The following FOXP1 variants were observed in gnomAD, a reference collection of about 807,000 sequenced individuals.
FOXP1 encodes forkhead box protein P1.
A neutral mutation model predicts 98.2 loss-of-function variants in FOXP1; 15 were observed. The ratio of observed to expected loss-of-function variants is 0.15; its 90% CI spans 0.10 to 0.24. FOXP1 has a LOEUF of 0.24. FOXP1 is among the 10% of genes least tolerant of loss of function. The probability of loss-of-function intolerance (pLI) is 1.00; values close to 1 mark genes in which losing one functional copy is unlikely to be tolerated. For missense variants in FOXP1, 633 were observed against 848.5 expected, an observed-to-expected ratio of 0.75 and a Z score of 3.15; for synonymous variants, 371 against 314.5, an observed-to-expected ratio of 1.18 and a Z score of -1.90.
intron 5 of FOXP1, among the ~76,000 whole-genome samples, chr3:71,225,013 G>T (rs2065724640): frequency 6.6e-6 from 1 of 152,138 alleles, no homozygotes. Flanking sequence ...TACAATACCT[G>T]CAATAAAACA....
At chr3:71,375,999 A>C (rs2079685951) in intron 3 of FOXP1, among the ~76,000 whole-genome samples, 1 of 152,174 alleles carries the variant, frequency 6.6e-6, no homozygotes, top group South Asian at 2.1e-4. Flanking sequence ...CGTGGACTGC[A>C]AACTAAAATT....
intron 4 of FOXP1, among the ~76,000 whole-genome samples, chr3:71,321,470 C>T (rs542319149): frequency 6.6e-6 from 1 of 152,210 alleles, no homozygotes; most frequent in East Asian, 1.9e-4. Context: ...CGTGAGATGG[C>T]CACATGGGCT....
chr3:71,365,956 G>A (rs745618932), intron 3 of FOXP1, among the ~76,000 whole-genome samples: 2 of 152,052 alleles, frequency 1.3e-5, no homozygotes, highest in African/African-American at 2.4e-5. Flanking sequence ...CTGGCGACAG[G>A]GCAAGACTCC....
intron 6 of FOXP1, among the ~76,000 whole-genome samples, chr3:71,170,526 C>T (rs2061599432): frequency 6.6e-6 from 1 of 152,148 alleles, no homozygotes; most frequent in African/African-American, 2.4e-5. Context: ...ATTAAAAATA[C>T]CCACTGGTAT....
intron 6 of FOXP1, among the ~76,000 whole-genome samples, chr3:71,116,440 T>G (rs2058380511): frequency 6.6e-6 from 1 of 152,160 alleles, no homozygotes; most frequent in Non-Finnish European, 1.5e-5. Context: ...GCAAACTGAC[T>G]TCCAAATTTC....
chr3:71,181,070 A>C (rs2062261446), intron 6 of FOXP1, among the ~76,000 whole-genome samples: 1 of 152,220 alleles, frequency 6.6e-6, no homozygotes. Flanking sequence ...AAGAATTCGT[A>C]CTGAGTTCCA....
intron 3 of FOXP1, among the ~76,000 whole-genome samples, chr3:71,477,379 C>T (rs1401101418): frequency 6.6e-6 from 1 of 152,166 alleles, no homozygotes; most frequent in South Asian, 2.1e-4. Flanking sequence ...TAATCAAATG[C>T]AATTGAAGCA....
At chr3:71,428,990 T>C (rs977438697) in intron 3 of FOXP1, among the ~76,000 whole-genome samples, 4 of 152,216 alleles carry the variant, frequency 2.6e-5, no homozygotes, top group African/African-American at 9.7e-5. Flanking sequence ...TGAAACTCCC[T>C]GGACTAGTGC....
intron 5 of FOXP1, chr3:71,210,955 T>C (rs1259167769): frequency 6.6e-6 from 1 of 152,190 alleles, no homozygotes; most frequent in African/African-American, 2.4e-5. Context: ...ATTATAAACA[T>C]AGTTGACAAT....
At chr3:71,007,160 T>C (rs1205755273) in intron 12 of FOXP1, among the ~76,000 whole-genome samples, 1 of 152,008 alleles carries the variant, frequency 6.6e-6, no homozygotes, top group Non-Finnish European at 1.5e-5. Flanking sequence ...CTAAAACCAA[T>C]AAAAAATGCA....
chr3:71,199,014 G>A (rs1355874133), intron 5 of FOXP1, among the ~76,000 whole-genome samples: 1 of 151,632 alleles, frequency 6.6e-6, no homozygotes, highest in African/African-American at 2.4e-5. Flanking sequence ...CTTCTATCTG[G>A]TTCCTTTGCT....
At chr3:71,453,449 A>G (rs890298402) in intron 3 of FOXP1, among the ~76,000 whole-genome samples, 4 of 152,208 alleles carry the variant, frequency 2.6e-5, no homozygotes, top group Non-Finnish European at 5.9e-5. Context: ...CTAACAGCCA[A>G]AGCAGATTTG....
At chr3:71,413,249 CCCCCAAATAG>C (rs1488394032) in intron 3 of FOXP1, among the ~76,000 whole-genome samples, 4 of 35,958 alleles carry the variant, frequency 1.1e-4, no homozygotes, top group Non-Finnish European at 1.9e-4. Flanking sequence ...ACACACACAT[CCCCCAAATAG>C]ACACACACAC....
At chr3:71,050,106 TCTC>T (rs1325159763) in intron 9 of FOXP1, among the ~76,000 whole-genome samples, 3 of 152,080 alleles carry the variant, frequency 2.0e-5, no homozygotes, top group Admixed American at 2.0e-4. Context: ...CACAAAGTGT[TCTC>T]CTTCTCCCCT....
chr3:71,005,021 G>A (rs1376117598), intron 12 of FOXP1, among the ~76,000 whole-genome samples: 1 of 152,056 alleles, frequency 6.6e-6, no homozygotes, highest in African/African-American at 2.4e-5. Flanking sequence ...GTTGGCATGT[G>A]TCATTTTTCC....
At chr3:71,567,964 AGAAAGAAAAT>A (rs2047028987) in intron 2 of FOXP1, 1 of 147,984 alleles carries the variant, frequency 6.8e-6, no homozygotes, top group East Asian at 2.1e-4. Context: ...ATAGAAGAAA[AGAAAGAAAAT>A]GAAAGAAAGG....
chr3:70,997,478 G>A (rs770528044), intron 13 of FOXP1, among the ~76,000 whole-genome samples: 1 of 152,188 alleles, frequency 6.6e-6, no homozygotes, highest in African/African-American at 2.4e-5. Context: ...ACTCTCAATC[G>A]AATCCTTGGT....
At chr3:71,501,441 C>T (rs931225378) in intron 2 of FOXP1, among the ~76,000 whole-genome samples, 23 of 151,898 alleles carry the variant, frequency 1.5e-4, no homozygotes, top group Admixed American at 4.6e-4. Flanking sequence ...ATTACAGGCA[C>T]GCACCACCAC....
intron 3 of FOXP1, among the ~76,000 whole-genome samples, chr3:71,420,059 T>C (rs2083515674): frequency 6.6e-6 from 1 of 152,046 alleles, no homozygotes; most frequent in Admixed American, 6.6e-5. Flanking sequence ...TCTGCCCACC[T>C]TGGCCTCCCA....
Sources: allele counts gnomAD v4.1 joint callset (sites outside exome capture counted in the v4.1 genomes callset), GRCh38; gene constraint gnomAD v4.1.1; transcripts MANE v1.5; gene names NCBI Gene and HGNC (gene_info 2026-07-23, HGNC 2026-07-21).